The following FBXO9 variants were observed in gnomAD, a reference collection of about 807,000 sequenced individuals.
FBXO9 encodes the protein F-box only protein 9.
In FBXO9, 43 loss-of-function variants were observed where a neutral mutation model predicts 63.7. The ratio of observed to expected loss-of-function variants is 0.67; its 90% CI spans 0.53 to 0.87. The LOEUF is 0.87. FBXO9 is among the 40% of genes least tolerant of loss of function. The pLI, the probability that FBXO9 is intolerant of heterozygous loss-of-function variation, is 0.00. For synonymous variants in FBXO9, 156 were observed against 171.7 expected (o/e 0.91, Z 0.72); for missense variants, 442 against 533.2 (o/e 0.83, Z 1.68).
At chr6:53,074,073 T>C (rs575807954) in intron 3 of FBXO9, among the ~76,000 whole-genome samples, 27 of 152,348 alleles carry the variant, frequency 1.8e-4, no homozygotes, top group African/African-American at 6.3e-4. Flanking sequence ...ATATTTTGAA[T>C]TGATCAGCTT....
chr6:53,072,205 AG>A, intron 2 of FBXO9, among the ~76,000 whole-genome samples: 1 of 151,464 alleles, frequency 6.6e-6, no homozygotes, highest in East Asian at 1.9e-4. Flanking sequence ...AAAACATTCT[AG>A]ATACGTCTTT....
chr6:53,074,899 A>C (rs1769044104), intron 3 of FBXO9, among the ~76,000 whole-genome samples: 1 of 152,204 alleles, frequency 6.6e-6, no homozygotes, highest in Non-Finnish European at 1.5e-5. Context: ...GGCTGTTATG[A>C]ATGGAGCTAT....
chr6:53,078,724 C>T lies in FBXO9; in HGVS notation c.308-75C>T. ...TTGTAAAGAAAGTTACCAAATTAAA[C>T]CACAGTTAAGGGTAATCAAAGGAAA... On this transcript the variant is annotated intron_variant, in intron 4 of 12. Transcript: ENST00000323557. The T allele has an allele frequency of 5.5e-6, 6 of 1,084,366 alleles. No individual in the cohort carries two copies. In the South Asian group the frequency reaches 8.3e-5, roughly 15 times the overall value. 67.2% of individuals were successfully genotyped at this position (1,084,366 alleles called of 1,614,324 possible).
intron 1 of FBXO9, among the ~76,000 whole-genome samples, chr6:53,068,287 T>G (rs1296769684): frequency 6.6e-6 from 1 of 152,188 alleles, no homozygotes; most frequent in Middle Eastern, 3.2e-3. Context: ...GCTAACAGAC[T>G]GAACTGAGGC....
chr6:53,069,694 AAG>A (rs1232932259), intron 1 of FBXO9, among the ~76,000 whole-genome samples: 1 of 152,230 alleles, frequency 6.6e-6, no homozygotes, highest in Non-Finnish European at 1.5e-5. Context: ...TACAAGAAAA[AAG>A]AGTGAGGATT....
chr6:53,072,815 A>C (rs1288243365), intron 2 of FBXO9, among the ~76,000 whole-genome samples: 1 of 151,482 alleles, frequency 6.6e-6, no homozygotes, highest in Non-Finnish European at 1.5e-5. Flanking sequence ...CTGCCACCCG[A>C]GTTCAAGCAA....
chr6:53,066,833 A>T (rs1288089663), intron 1 of FBXO9, among the ~76,000 whole-genome samples: 1 of 152,246 alleles, frequency 6.6e-6, no homozygotes, highest in Non-Finnish European at 1.5e-5. Context: ...ATAAAAGGAA[A>T]ACCTCCAGGT....
rs909643634 is a variant in FBXO9 at position 53,077,282 on chromosome 6, G to A, written c.307+739G>A. 3.3e-5 allele frequency among the ~76,000 whole-genome samples: 5 copies of A among 151,744 alleles called. No homozygotes were observed. In the South Asian group the frequency reaches 8.3e-4, roughly 25 times the overall value. Reference sequence around the variant, plus strand: ...GAGGTCAGGAGATCGAGACCATCCCGGCTAAAACGGTGAAACCCCGTCTCT... The same window carrying A: ...GAGGTCAGGAGATCGAGACCATCCCAGCTAAAACGGTGAAACCCCGTCTCT... On this transcript the variant is annotated intron_variant, in intron 4 of 12. Coordinates refer to ENST00000323557, the MANE Select transcript of FBXO9 (RefSeq NM_033480.3).
Position 53,086,763 on chromosome 6 carries a change from A to G in FBXO9, c.653+4145A>G, listed in dbSNP as rs147202078. 1.4e-4 allele frequency among the ~76,000 whole-genome samples: 21 copies of G among 152,314 alleles called. 1 individual carries two copies. The highest frequency in any genetic ancestry group is 4.1e-4 in the South Asian group (2 of 4,826). On this transcript the variant is annotated intron_variant, in intron 7 of 12. Coordinates refer to ENST00000323557, the MANE Select transcript of FBXO9 (RefSeq NM_033480.3). ...TATTGGAGGAAAACATTGCTCTTCT[A>G]GACCTTTAAACTAAACATTTCAGGC... is the stretch of plus-strand genomic sequence containing the variant.
At chr6:53,066,088 G>T in intron 1 of FBXO9, 1 of 1,201,302 alleles carries the variant, frequency 8.3e-7, no homozygotes, top group South Asian at 4.2e-5. Context: ...GGCTCACTGA[G>T]TATATTGAAC....
At position 53,087,868 on chromosome 6, in the gene FBXO9, C is replaced by CA. The variant is rs1376453208; in HGVS notation, c.654-4559dup. Among the ~76,000 whole-genome samples, 17 of 152,290 alleles carry CA rather than the reference C, an allele frequency of 1.1e-4. No homozygotes were observed. The East Asian group carries it at 3.3e-3, about 29-fold the overall frequency. On this transcript the variant is annotated intron_variant, in intron 7 of 12. Coordinates refer to ENST00000323557, the MANE Select transcript of FBXO9 (RefSeq NM_033480.3). ...TTAGTGTATTTCTTATAGCAAAGCTCAATCTTTAGAAAGACTTATAAACAA... is the reference window on the plus strand; with the variant it reads ...TTAGTGTATTTCTTATAGCAAAGCTCAAATCTTTAGAAAGACTTATAAACAA...
intron 2 of FBXO9, 102 bp from the exon 3 acceptor site, chr6:53,073,379 A>G (rs1480490991): frequency 1.3e-5 from 9 of 719,662 alleles, no homozygotes; most frequent in Admixed American, 3.0e-5. Flanking sequence ...TAGAGTAATA[A>G]GTATATACGT....
In FBXO9 at chr6:53,098,850, A is replaced by T. The variant is rs1282676616; in HGVS notation, c.*1020A>T. On this transcript the variant is annotated 3_prime_UTR_variant, in exon 13 of 13. Coordinates refer to ENST00000323557, the MANE Select transcript of FBXO9 (RefSeq NM_033480.3). ...AGCACCAGCCACCTAGGAAAACTGT[A>T]TGTTACCTTTTTACTCAAAGGAGTC... The T allele has an allele frequency of 1.3e-5, 2 of 152,152 alleles. No individual in the cohort carries two copies. The highest frequency in any genetic ancestry group is 4.8e-5 in the African/African-American group (2 of 41,436). 9.4% of individuals were successfully genotyped at this position (152,152 alleles called of 1,614,324 possible). A position where few individuals can be genotyped will look rare whatever the true frequency, so the allele number is the denominator to read the frequency against.
At chr6:53,070,082 A>T (rs537606628) in intron 1 of FBXO9, among the ~76,000 whole-genome samples, 1 of 128,516 alleles carries the variant, frequency 7.8e-6, no homozygotes, top group South Asian at 2.4e-4. Flanking sequence ...GCAATGGTGC[A>T]GTCTCGGCTC....
Position 53,071,092 on chromosome 6 carries a change from C to T in FBXO9, c.39C>T (p.Val13=). Residue 13 remains valine, a synonymous_variant, in exon 2 of 13, where the codon GTC becomes GTT. Coordinates refer to ENST00000323557, the MANE Select transcript of FBXO9 (RefSeq NM_033480.3). The stretch of plus-strand genomic sequence containing the variant: ...AGGAAGATTGTCATTCTGATACTGT[C>T]AGAGCAGATGATGATGAAGAAAATG... ...EAEEDCHSDT[V]RADDDEENES... 6.3e-7 allele frequency: 1 copy of T among 1,574,970 alleles called. No individual in the cohort carries two copies.
intron 7 of FBXO9, among the ~76,000 whole-genome samples, chr6:53,085,888 G>A (rs1046973157): frequency 2.0e-5 from 3 of 152,180 alleles, no homozygotes; most frequent in Admixed American, 1.3e-4. Context: ...GGTGGCTCAC[G>A]CCTGTAATCC....
At chr6:53,075,698 G>A (rs546778394) in intron 3 of FBXO9, among the ~76,000 whole-genome samples, 2 of 133,690 alleles carry the variant, frequency 1.5e-5, no homozygotes, top group African/African-American at 5.5e-5. Context: ...AATATCTGTT[G>A]ATGTCTTTTC....
rs938788436 is a variant in FBXO9 at position 53,100,714 on chromosome 6, T to C, written c.*2884T>C. 3 of 152,230 alleles carry C rather than the reference T, an allele frequency of 2.0e-5. No individual in the cohort carries two copies. The highest frequency in any genetic ancestry group is 2.1e-4 in the South Asian group (1 of 4,830). 9.4% of individuals were successfully genotyped at this position (152,230 alleles called of 1,614,324 possible). On this transcript the variant is annotated 3_prime_UTR_variant, in exon 13 of 13. Transcript: ENST00000323557. ...AATGGGATTATATTGTACAGAATGC[T>C]TTGTAAGCTTTCTCTCCCCACATAA...
chr6:53,077,330 C>T (rs1386285847), intron 4 of FBXO9, among the ~76,000 whole-genome samples: 30 of 151,644 alleles, frequency 2.0e-4, no homozygotes, highest in East Asian at 3.9e-4. Context: ...AAAAATTAGC[C>T]GGCGTAGTGG....
Sources: allele counts gnomAD v4.1 joint callset (sites outside exome capture counted in the v4.1 genomes callset), GRCh38; gene constraint gnomAD v4.1.1; transcripts MANE v1.5; gene names NCBI Gene and HGNC (gene_info 2026-07-23, HGNC 2026-07-21).